Variants in NKTR observed in about 807,000 individuals in gnomAD.
The protein encoded by NKTR is natural killer cell triggering receptor, also known as NK-tumor recognition protein.
Under a neutral mutation model 156.3 loss-of-function variants are expected in NKTR, and 67 were observed. That is an observed-to-expected ratio of 0.43 (90% CI 0.35 to 0.53). The LOEUF is 0.53. Ranked by LOEUF, NKTR falls within the 20% of genes least tolerant of loss-of-function variation. NKTR has a pLI of 0.01. For missense variants in NKTR, 1,604 were observed against 1,730.9 expected (o/e 0.93, Z 1.30); for synonymous variants, 640 against 596.6 (o/e 1.07, Z -1.06).
In NKTR at chr3:42,628,093, T is replaced by C; in HGVS notation, c.375-2453T>C. The C allele has an allele frequency of 3.0e-6, 3 of 985,342 alleles. No individual in the cohort carries two copies. In the South Asian group the frequency reaches 1.4e-4, roughly 46 times the overall value. The allele number at this position is 985,342 out of a possible 1,614,324, so 61.0% of individuals were successfully genotyped here. ...GGGATTTCTACTCCTGGAATGTAGG[T>C]TGAGAACCCCAGAGGGCTTCTTTTT... On this transcript the variant is annotated intron_variant, in intron 6 of 16. Transcript: ENST00000232978.
At chr3:42,623,708 C>T (rs375233062) in intron 6 of NKTR, 4 of 152,230 alleles carry the variant, frequency 2.6e-5, no homozygotes, top group African/African-American at 9.6e-5. Context: ...CAGATAATAG[C>T]TCTGATGGTC....
rs1709911570 is a variant in NKTR, at chr3:42,641,828, A to C, written c.4047-673A>C. 2.6e-5 allele frequency among the ~76,000 whole-genome samples: 4 copies of C among 151,942 alleles called. 1 individual carries two copies. Among genetic ancestry groups the C allele is most frequent in the African/African-American group, 9.7e-5 (4 of 41,410 alleles). On this transcript the variant is annotated intron_variant, in intron 13 of 16. Coordinates refer to ENST00000232978, the MANE Select transcript of NKTR (RefSeq NM_005385.4). ...GGGAAGCAGAGGTTGCAGTGAGCCA[A>C]GATCGCGCCACTGCACTCCAGCCTG...
In NKTR at chr3:42,638,629, A is replaced by G. The variant is rs748781714; in HGVS notation, c.2925A>G (p.Gln975=). ...CGGAAAACAATAGGGGAAAGCCACA[A>G]AAGCACAAACATGGGTCAAAGGAAA... ...SNSENNRGKP[Q]KHKHGSKENL... Residue 975 remains glutamine (Q), a synonymous_variant, in exon 13 of 17, where the codon CAA becomes CAG. Coordinates refer to ENST00000232978, the MANE Select transcript of NKTR (RefSeq NM_005385.4). 6.2e-7 allele frequency: 1 copy of G among 1,613,492 alleles called. No individual in the cohort carries two copies. Among genetic ancestry groups the G allele is most frequent in the South Asian group, 1.1e-5 (1 of 90,860 alleles).
chr3:42,619,027 A>G lies in NKTR; in HGVS notation c.141A>G (p.Lys47=). Residue 47 remains lysine, a synonymous_variant, in exon 4 of 17, where the codon AAA becomes AAG. Transcript: ENST00000232978. ...TTTTTTTTTTTTTTCCAGGAGAGAAAGGCCTTGGGAAAACAACTGGGAAGA... is the reference window on the plus strand; with the variant it reads ...TTTTTTTTTTTTTTCCAGGAGAGAAGGGCCTTGGGAAAACAACTGGGAAGA... ...KNFLCLCSGE[K]GLGKTTGKKL... The G allele has an allele frequency of 7.6e-6, 12 of 1,570,738 alleles. No homozygotes were observed. The highest frequency in any genetic ancestry group is 1.0e-5 in the Non-Finnish European group (12 of 1,164,788).
At chr3:42,642,979 C>T (rs1054971065) in intron 14 of NKTR, among the ~76,000 whole-genome samples, 3 of 152,124 alleles carry the variant, frequency 2.0e-5, no homozygotes, top group African/African-American at 7.2e-5. Flanking sequence ...AGGGTGGCCC[C>T]AGATTTCTAG....
At position 42,612,924 on chromosome 3, in the gene NKTR, G is replaced by T. The variant is rs183948224; in HGVS notation, c.59-4646G>T. On this transcript the variant is annotated intron_variant, in intron 2 of 16. Coordinates refer to ENST00000232978, the MANE Select transcript of NKTR (RefSeq NM_005385.4). ...CCACTTACATATTTTTTCCTGGTAT[G>T]TAGTGAATAATTTTAATCTGTATAT... Among the ~76,000 whole-genome samples, 180 of 152,178 alleles carry T rather than the reference G, an allele frequency of 1.2e-3. 1 individual carries two copies. The highest frequency in any genetic ancestry group is 4.1e-3 in the African/African-American group (170 of 41,506).
intron 6 of NKTR, chr3:42,628,257 T>C (rs1054194986): frequency 1.0e-5 from 10 of 985,302 alleles, no homozygotes; most frequent in Non-Finnish European, 1.2e-6. Flanking sequence ...GCAGGCTGAG[T>C]TGTCCTTGAA....
At position 42,636,985 on chromosome 3, in the gene NKTR, T is replaced by TA. The variant is rs768773004; in HGVS notation, c.1287dup (p.Arg430ThrfsTer8). 3.1e-6 allele frequency: 5 copies of TA among 1,611,748 alleles called. No individual in the cohort carries two copies. The highest frequency in any genetic ancestry group is 1.1e-5 in the South Asian group (1 of 90,870). On this transcript the variant is annotated frameshift_variant, in exon 13 of 17. Coordinates refer to ENST00000232978, the MANE Select transcript of NKTR (RefSeq NM_005385.4). LOFTEE classifies it high-confidence loss of function. The stretch of plus-strand genomic sequence containing the variant: ...GTACAGCAAGACACTCTGGCCACCA[T>TA]AAAAAACGCAGAAAAGAAAAAAAGG...
Position 42,637,595 on chromosome 3 carries a change from G to A in NKTR, c.1891G>A (p.Glu631Lys). Residue 631 changes from glutamate (E) to lysine (K), a missense_variant, in exon 13 of 17, where the codon GAG becomes AAG. By Grantham distance (56) the Glu-to-Lys change is moderately conservative (BLOSUM62 1). Transcript: ENST00000232978. The stretch of plus-strand genomic sequence containing the variant: ...ACAGAAACCTTGGAAGCCCTCTTAT[G>A]AGCGAATTCAGGAAATGAAAGCTAA... ...PGQKPWKPSYERIQEMKAKTT... is the reference protein window; with the variant it reads ...PGQKPWKPSYKRIQEMKAKTT... The A allele has an allele frequency of 6.2e-7, 1 of 1,610,188 alleles. No individual in the cohort carries two copies. Among genetic ancestry groups the A allele is most frequent in the Non-Finnish European group, 8.5e-7 (1 of 1,178,988 alleles).
intron 6 of NKTR, among the ~76,000 whole-genome samples, chr3:42,622,045 A>C (rs186976111): frequency 6.6e-6 from 1 of 151,760 alleles, no homozygotes; most frequent in Non-Finnish European, 1.5e-5. Flanking sequence ...ATTTTAAAAA[A>C]CTCATTTTAT....
chr3:42,608,152 GC>G (rs1190702921), intron 2 of NKTR, among the ~76,000 whole-genome samples: 1 of 151,504 alleles, frequency 6.6e-6, no homozygotes, highest in Non-Finnish European at 1.5e-5. Context: ...GCCACACCTG[GC>G]TACTTCTTGT....
At chr3:42,640,486 A>G (rs1385868810) in intron 13 of NKTR, among the ~76,000 whole-genome samples, 1 of 152,200 alleles carries the variant, frequency 6.6e-6, no homozygotes, top group African/African-American at 2.4e-5. Context: ...AATTATTCAT[A>G]TCCCTTATTT....
intron 3 of NKTR, among the ~76,000 whole-genome samples, chr3:42,618,763 A>T (rs934166240): frequency 2.0e-5 from 3 of 152,206 alleles, no homozygotes; most frequent in Admixed American, 6.5e-5. Context: ...GACTAGAGTG[A>T]TAAGTGTGTC....
intron 12 of NKTR, 53 bp downstream of exon 12, chr3:42,635,419 A>G: frequency 7.2e-7 from 1 of 1,398,186 alleles, no homozygotes; most frequent in Non-Finnish European, 9.8e-7. Context: ...TTTAAATGTT[A>G]AAGGGATTGG....
chr3:42,630,256 CATGCTGTGTATTT>C lies in NKTR; in HGVS notation c.375-286_375-274del, dbSNP rs1200627003. On this transcript the variant is annotated intron_variant, in intron 6 of 16. Coordinates refer to ENST00000232978, the MANE Select transcript of NKTR (RefSeq NM_005385.4). ...AGTAACTTTAATTTTTATGTGTATT[CATGCTGTGTATTT>C]ATGGCTACAAGTCAAACTGATTTCA... 2.1e-5 allele frequency: 24 copies of C among 1,153,560 alleles called. No homozygotes were observed. In the East Asian group the frequency reaches 4.1e-4, roughly 20 times the overall value. 71.5% of individuals were successfully genotyped at this position (1,153,560 alleles called of 1,614,324 possible).
chr3:42,607,533 T>G (rs1468585765), intron 2 of NKTR, among the ~76,000 whole-genome samples: 1 of 152,158 alleles, frequency 6.6e-6, no homozygotes, highest in Non-Finnish European at 1.5e-5. Flanking sequence ...GGAGACTGTT[T>G]TAGATTAAAA....
At chr3:42,642,455 G>C in intron 13 of NKTR, 46 bp from the exon 14 acceptor site, 2 of 1,399,296 alleles carry the variant, frequency 1.4e-6, no homozygotes, top group Non-Finnish European at 2.0e-6. Flanking sequence ...TTAATATCAT[G>C]ATGAGTCAAC....
intron 2 of NKTR, among the ~76,000 whole-genome samples, chr3:42,607,175 G>C (rs573846019): frequency 6.6e-6 from 1 of 152,180 alleles, no homozygotes; most frequent in East Asian, 1.9e-4. Flanking sequence ...GGCTGTCCAT[G>C]TGAGGGATCC....
chr3:42,632,943 A>C, intron 9 of NKTR, 120 bp downstream of exon 9: 2 of 1,319,532 alleles, frequency 1.5e-6, no homozygotes, highest in Non-Finnish European at 1.9e-6. Flanking sequence ...AGCACTTTTT[A>C]AACTTTAAAT....
Sources: allele counts gnomAD v4.1 joint callset (sites outside exome capture counted in the v4.1 genomes callset), GRCh38; gene constraint gnomAD v4.1.1; transcripts MANE v1.5; gene names NCBI Gene and HGNC (gene_info 2026-07-23, HGNC 2026-07-21).